ASH1L: variants seen among roughly 807,000 people sequenced by gnomAD.
ASH1L encodes the protein histone-lysine N-methyltransferase ASH1L.
In ASH1L, 23 loss-of-function variants were observed where a neutral mutation model predicts 269.0. That is an observed-to-expected ratio of 0.09 (90% confidence interval 0.06 to 0.12). ASH1L has a LOEUF of 0.12. Among genes scored for constraint, ASH1L ranks in the 10% least tolerant of loss-of-function variants. The pLI, the probability that ASH1L is intolerant of heterozygous loss-of-function variation, is 1.00. For synonymous variants in ASH1L, 1,187 were observed against 1,253.5 expected (o/e 0.95, Z 1.12); for missense variants, 2,912 against 3,567.8 (o/e 0.82, Z 4.68).
chr1:155,522,434 T>A (rs1668954138), intron 1 of ASH1L, among the ~76,000 whole-genome samples: 2 of 152,190 alleles, frequency 1.3e-5, no homozygotes, highest in Non-Finnish European at 2.9e-5. Flanking sequence ...AAGCAAATAT[T>A]TATACAAATA....
At chr1:155,403,212 G>A (rs1558067876) in intron 6 of ASH1L, among the ~76,000 whole-genome samples, 1 of 151,896 alleles carries the variant, frequency 6.6e-6, no homozygotes, top group Non-Finnish European at 1.5e-5. Flanking sequence ...TGGTGGTGGT[G>A]CAAATGCCTC....
intron 10 of ASH1L, among the ~76,000 whole-genome samples, chr1:155,374,056 C>T (rs1017843224): frequency 5.3e-5 from 8 of 152,182 alleles, no homozygotes; most frequent in South Asian, 2.1e-4. Context: ...AGGCCGGGCA[C>T]GGTGGCTCAT....
In ASH1L at chr1:155,562,425, AGCGGCGGCGGCG is replaced by A. The variant is rs757359444; in HGVS notation, c.-384_-373del. The A allele has an allele frequency of 6.8e-7, 1 of 1,476,662 alleles. No homozygotes were observed. The highest frequency in any genetic ancestry group is 2.5e-5 in the East Asian group (1 of 40,402). The allele number at this position is 1,476,662 out of a possible 1,614,324, so 91.5% of individuals were successfully genotyped here. ...AAAGCGAACCCAAAATGGCGGCGGG[AGCGGCGGCGGCG>A]GCGGCGGCAGCAGCAGAGTGGCGGC... On this transcript the variant is annotated 5_prime_UTR_variant, in exon 1 of 28. Coordinates refer to ENST00000392403, the MANE Select transcript of ASH1L (RefSeq NM_018489.3).
intron 1 of ASH1L, among the ~76,000 whole-genome samples, chr1:155,536,633 T>C (rs1670075780): frequency 6.6e-6 from 1 of 152,142 alleles, no homozygotes; most frequent in Non-Finnish European, 1.5e-5. Flanking sequence ...TGAGGGAGGC[T>C]AATCCAGGAT....
At chr1:155,442,439 C>T (rs775308399) in intron 4 of ASH1L, among the ~76,000 whole-genome samples, 3 of 151,762 alleles carry the variant, frequency 2.0e-5, no homozygotes, top group Non-Finnish European at 2.9e-5. Flanking sequence ...AAAAATTAGC[C>T]GGGTGTGGTC....
Position 155,478,008 on chromosome 1 carries a change from G to A in ASH1L, c.4862C>T (p.Ser1621Phe), listed in dbSNP as rs141092903. ...GTCAGTTAATTTCTTCCGGCCACTG[G>A]AGTTAGGGTTTGAAACTCTGCAGCT... ...IGSCRVSNPN[S>F]SGRKKLTDSP... Residue 1621 changes from serine to phenylalanine, a missense_variant, in exon 3 of 28, where the codon TCC (serine) becomes TTC (phenylalanine). Ser to Phe is a radical substitution (Grantham distance 155). Around this residue, in one of 13 missense-constraint regions of ASH1L, gnomAD observed 789 missense variants for 897.6 expected, o/e 0.88. Transcript: ENST00000392403. This position sits in a 1 kb window ranked among gnomAD's most constrained non-coding sequence, Gnocchi z 4.6. 6.2e-7 allele frequency: 1 copy of A among 1,614,206 alleles called. No homozygotes were observed. Among genetic ancestry groups the A allele is most frequent in the South Asian group, 1.1e-5 (1 of 91,088 alleles).
In ASH1L at chr1:155,480,989, T is replaced by G; in HGVS notation, c.1881A>C (p.Lys627Asn). The G allele has an allele frequency of 6.2e-7, 1 of 1,614,060 alleles. No individual in the cohort carries two copies. The highest frequency in any genetic ancestry group is 8.5e-7 in the Non-Finnish European group (1 of 1,179,964). Residue 627 changes from lysine to asparagine, a missense_variant, in exon 3 of 28, where the codon AAA becomes AAC. By Grantham distance (94) the Lys-to-Asn change is moderately conservative. Around this residue, in one of 13 missense-constraint regions of ASH1L, gnomAD observed 715 missense variants for 721.0 expected, o/e 0.99. Coordinates refer to ENST00000392403, the MANE Select transcript of ASH1L (RefSeq NM_018489.3). Reference sequence around the variant, plus strand: ...AATCATTTACCTCTTTATCAATCCCTTTACATTCAATACTTATACTATGAC... The same window carrying G: ...AATCATTTACCTCTTTATCAATCCCGTTACATTCAATACTTATACTATGAC... The part of the protein sequence containing the change: ...SVGHSISIEC[K>N]GIDKEVNDSK...
chr1:155,541,357 T>C (rs893624193), intron 1 of ASH1L, among the ~76,000 whole-genome samples: 4 of 152,068 alleles, frequency 2.6e-5, no homozygotes, highest in African/African-American at 9.7e-5. Context: ...TTTCAGTTTC[T>C]ATAATTTAAA....
intron 5 of ASH1L, among the ~76,000 whole-genome samples, chr1:155,423,103 C>T (rs1660845615): frequency 1.3e-5 from 2 of 151,868 alleles, no homozygotes; most frequent in African/African-American, 4.8e-5. Flanking sequence ...TACCTACCAC[C>T]ATGCCCAGCT....
At chr1:155,433,808 G>A in intron 5 of ASH1L, 1 of 1,606,488 alleles carries the variant, frequency 6.2e-7, no homozygotes, top group South Asian at 1.1e-5. Context: ...GTGGGTGGAG[G>A]AAGCTGACAA....
rs966940093 is a variant in ASH1L at position 155,426,231 on chromosome 1, AT to A, written c.5829-10309del. On this transcript the variant is annotated intron_variant, in intron 5 of 27. Coordinates refer to ENST00000392403, the MANE Select transcript of ASH1L (RefSeq NM_018489.3). ...AGGAGTGTGCCATCATGCCCGGCTAATTTTTTTTTTTGTATTTTAGTAGAGA... is the reference window on the plus strand; with the variant it reads ...AGGAGTGTGCCATCATGCCCGGCTAATTTTTTTTTTGTATTTTAGTAGAGA... Among the ~76,000 whole-genome samples, 524 of 146,434 alleles carry A rather than the reference AT, an allele frequency of 3.6e-3. 12 individuals are homozygous for A. Among genetic ancestry groups the A allele is most frequent in the Non-Finnish European group, 9.5e-4 (63 of 65,984 alleles).
At chr1:155,388,833 C>A (rs1233862198) in intron 7 of ASH1L, among the ~76,000 whole-genome samples, 1 of 150,666 alleles carries the variant, frequency 6.6e-6, no homozygotes, top group Admixed American at 6.6e-5. Flanking sequence ...GATCCTCCTG[C>A]CTCAGCCTCC....
chr1:155,437,886 G>A (rs564290414), intron 5 of ASH1L, among the ~76,000 whole-genome samples: 1 of 152,232 alleles, frequency 6.6e-6, no homozygotes, highest in Admixed American at 6.5e-5. Context: ...ACAGGGTCTC[G>A]CTCTGTCGCC....
chr1:155,490,368 T>C (rs1281247359), intron 2 of ASH1L, among the ~76,000 whole-genome samples: 1 of 151,560 alleles, frequency 6.6e-6, no homozygotes, highest in East Asian at 2.0e-4. Context: ...TCCTTGCACT[T>C]TGGAAGGCCA....
chr1:155,345,388 T>C (rs1015757133), intron 21 of ASH1L, among the ~76,000 whole-genome samples: 3 of 150,910 alleles, frequency 2.0e-5, no homozygotes, highest in Admixed American at 6.6e-5. Context: ...TTTCACCATA[T>C]TGGCCAGGCT....
chr1:155,346,619 G>C, intron 20 of ASH1L, 150 bp from the exon 21 acceptor site: 1 of 659,310 alleles, frequency 1.5e-6, no homozygotes, highest in Non-Finnish European at 2.7e-6. Context: ...AGAGATAAAT[G>C]GTAAAATAGG....
intron 5 of ASH1L, among the ~76,000 whole-genome samples, chr1:155,421,489 G>A (rs1471707628): frequency 1.3e-5 from 2 of 151,412 alleles, no homozygotes; most frequent in Non-Finnish European, 2.9e-5. Flanking sequence ...TGGCTAACAC[G>A]GTGAAACCCC....
chr1:155,427,244 G>T (rs1003819584), intron 5 of ASH1L, among the ~76,000 whole-genome samples: 1 of 148,568 alleles, frequency 6.7e-6, no homozygotes, highest in African/African-American at 2.5e-5. Context: ...TAGCAATTCT[G>T]CTGCCTCAGC....
intron 2 of ASH1L, 52 bp downstream of exon 2, chr1:155,521,048 A>T: frequency 6.7e-7 from 1 of 1,488,122 alleles, no homozygotes; most frequent in Non-Finnish European, 9.1e-7. Flanking sequence ...AAAAATTAAT[A>T]GGGAAATGAA....
Sources: gnomAD v4.1 joint callset for allele counts (sites outside exome capture counted in the v4.1 genomes callset) on GRCh38, gnomAD v4.1.1 for gene constraint, gnomAD v4.1.1 regional missense constraint, Gnocchi (gnomAD v3.1) non-coding constraint, MANE v1.5 for transcripts, NCBI Gene and HGNC (gene_info 2026-07-23, HGNC 2026-07-21) for gene names.